The following ANKRD28 variants were observed in gnomAD, a reference collection of about 807,000 sequenced individuals.
ANKRD28 encodes the protein serine/threonine-protein phosphatase 6 regulatory ankyrin repeat subunit A.
Under a neutral mutation model 126.5 loss-of-function variants are expected in ANKRD28, and 44 were observed. That is an observed-to-expected ratio of 0.35 (90% CI 0.27 to 0.45). ANKRD28 has a LOEUF of 0.45. Ranked by LOEUF, ANKRD28 falls within the 20% of genes least tolerant of loss-of-function variation. The pLI, the probability that ANKRD28 is intolerant of heterozygous loss-of-function variation, is 1.00. For missense variants in ANKRD28, 1,110 were observed against 1,316.6 expected, an observed-to-expected ratio of 0.84 and a Z score of 2.43; for synonymous variants, 442 against 468.5, an observed-to-expected ratio of 0.94 and a Z score of 0.73.
intron 14 of ANKRD28, among the ~76,000 whole-genome samples, chr3:15,704,935 C>G (rs2071153765): frequency 6.6e-6 from 1 of 152,124 alleles, no homozygotes; most frequent in Non-Finnish European, 1.5e-5. Flanking sequence ...ATTAACAGTG[C>G]TAGATTATGC....
chr3:15,713,504 T>C (rs2072596672), intron 10 of ANKRD28, 23 bp downstream of exon 10: 2 of 1,587,656 alleles, frequency 1.3e-6, no homozygotes, highest in Non-Finnish European at 1.7e-6. Flanking sequence ...GTATCAGTTA[T>C]CAACACCTCG....
At chr3:15,695,686 CA>C (rs1330935230) in intron 15 of ANKRD28, among the ~76,000 whole-genome samples, 8 of 151,980 alleles carry the variant, frequency 5.3e-5, no homozygotes. Flanking sequence ...AGAATCAGAC[CA>C]CAGCAGAAAT....
intron 27 of ANKRD28, among the ~76,000 whole-genome samples, chr3:15,673,451 C>A (rs2125609138): frequency 6.6e-6 from 1 of 152,296 alleles, no homozygotes; most frequent in Middle Eastern, 3.4e-3. Context: ...GTGAATGCAA[C>A]TGACAAAGAT....
chr3:15,778,142 C>T (rs11920828), intron 2 of ANKRD28, among the ~76,000 whole-genome samples: 129 of 152,246 alleles, frequency 8.5e-4, no homozygotes, highest in African/African-American at 2.9e-3. Context: ...GCACTCTGAA[C>T]GTCTCCCTTG....
intron 17 of ANKRD28, among the ~76,000 whole-genome samples, chr3:15,693,866 A>G (rs1575184965): frequency 6.6e-6 from 1 of 152,184 alleles, no homozygotes; most frequent in Admixed American, 6.5e-5. Flanking sequence ...GTCAGTGTTA[A>G]AACACCCGCA....
chr3:15,832,903 T>C (rs532085447), intron 1 of ANKRD28, among the ~76,000 whole-genome samples: 1 of 152,328 alleles, frequency 6.6e-6, no homozygotes, highest in East Asian at 1.9e-4. Context: ...CCAGTGTAGA[T>C]ACCTTTTTGA....
chr3:15,751,656 C>A, intron 4 of ANKRD28, 94 bp downstream of exon 4: 2 of 863,028 alleles, frequency 2.3e-6, no homozygotes, highest in South Asian at 1.7e-5. Context: ...GTAGCTTTTC[C>A]TTCTTTTGAA....
chr3:15,844,120 C>G (rs2125979307), intron 1 of ANKRD28, among the ~76,000 whole-genome samples: 1 of 152,190 alleles, frequency 6.6e-6, no homozygotes, highest in South Asian at 2.1e-4. Context: ...ATAATGCAGG[C>G]ATGGGATAAT....
chr3:15,836,541 T>C (rs1471757731), intron 1 of ANKRD28, among the ~76,000 whole-genome samples: 1 of 152,154 alleles, frequency 6.6e-6, no homozygotes, highest in Non-Finnish European at 1.5e-5. Flanking sequence ...GATTGTTGGA[T>C]TGGATTTAAA....
chr3:15,812,183 AAAC>A lies in ANKRD28; in HGVS notation c.28-16880_28-16878del, dbSNP rs1575752982. ...ACAAAACAAAACAAAACGAAACCCA[AAAC>A]AACAATAAAATGTTTCTAAGATGAT... On this transcript the variant is annotated intron_variant, in intron 1 of 27. Transcript: ENST00000399451. The surrounding 1 kb of genome is among the most constrained non-coding windows in gnomAD (Gnocchi z 4.1). Among the ~76,000 whole-genome samples the A allele has an allele frequency of 6.6e-6, 1 of 152,132 alleles. No individual in the cohort carries two copies. Among genetic ancestry groups the A allele is most frequent in the East Asian group, 1.9e-4 (1 of 5,160 alleles).
rs368671800 is a variant in ANKRD28 at position 15,737,169 on chromosome 3, G to A, written c.416C>T (p.Thr139Ile). ...DVNARDKNWQ[T>I]PLHIAAANKA... ...ATTAGCAGCAGCTATATGTAAAGGG[G>A]TTTGCCAATTTTTGTCTCGAGCATT... Residue 139 changes from threonine (T) to isoleucine (I), a missense_variant, in exon 5 of 28, where the codon ACC becomes ATC. Transcript: ENST00000683139. 1 of 1,613,850 alleles carries A rather than the reference G, an allele frequency of 6.2e-7. No homozygotes were observed. Among genetic ancestry groups the A allele is most frequent in the African/African-American group, 1.3e-5 (1 of 74,928 alleles).
chr3:15,859,364 G>T, intron 1 of ANKRD28: 1 of 1,528,022 alleles, frequency 6.5e-7, no homozygotes, highest in Non-Finnish European at 8.8e-7. Context: ...CCGCCCTGCA[G>T]CCCCTCACCT....
chr3:15,798,419 G>T (rs1354155078), upstream of ANKRD28, among the ~76,000 whole-genome samples: 5 of 150,832 alleles, frequency 3.3e-5, no homozygotes, highest in Non-Finnish European at 7.4e-5. Flanking sequence ...TTTCTAGAAT[G>T]CAAAGCTTAA....
chr3:15,770,496 G>T (rs2058946179), intron 2 of ANKRD28, among the ~76,000 whole-genome samples: 1 of 151,862 alleles, frequency 6.6e-6, no homozygotes, highest in Non-Finnish European at 1.5e-5. Flanking sequence ...TTAAAGGAAG[G>T]ACACTGAAGC....
chr3:15,778,680 A>G (rs1385113997), intron 2 of ANKRD28, among the ~76,000 whole-genome samples: 2 of 152,200 alleles, frequency 1.3e-5, no homozygotes, highest in Non-Finnish European at 2.9e-5. Context: ...TCATGTGATT[A>G]GGGCACACCC....
At chr3:15,800,025 A>G (rs1285329849), upstream of ANKRD28, among the ~76,000 whole-genome samples, 1 of 152,084 alleles carries the variant, frequency 6.6e-6, no homozygotes, top group Non-Finnish European at 1.5e-5. Context: ...CTAATAAGTG[A>G]ACAATTAAAA....
At chr3:15,678,065 G>T in intron 24 of ANKRD28, 144 bp downstream of exon 24, 2 of 803,374 alleles carry the variant, frequency 2.5e-6, no homozygotes, top group Non-Finnish European at 3.7e-6. Context: ...ATCCCTAAAT[G>T]AAAATGTGGA....
At chr3:15,716,299 T>C (rs1394963448) in intron 8 of ANKRD28, among the ~76,000 whole-genome samples, 1 of 151,140 alleles carries the variant, frequency 6.6e-6, no homozygotes, top group African/African-American at 2.4e-5. Flanking sequence ...TTTTTTTTTT[T>C]TCCCTTAAAG....
intron 4 of ANKRD28, among the ~76,000 whole-genome samples, chr3:15,741,824 T>C (rs1376524584): frequency 6.8e-6 from 1 of 146,628 alleles, no homozygotes; most frequent in East Asian, 2.1e-4. Flanking sequence ...CTCAGCTCAC[T>C]GCAGCCTCCC....
Sources: allele counts gnomAD v4.1 joint callset (sites outside exome capture counted in the v4.1 genomes callset), GRCh38; gene constraint gnomAD v4.1.1; non-coding constraint Gnocchi (gnomAD v3.1); transcripts MANE v1.5; gene names NCBI Gene and HGNC (gene_info 2026-07-23, HGNC 2026-07-21).